The following ABCA12 variants were observed in gnomAD, a reference collection of about 807,000 sequenced individuals.
ABCA12 encodes the protein ATP binding cassette subfamily A member 12.
Under a neutral mutation model 293.5 loss-of-function variants are expected in ABCA12, and 156 were observed. The observed-to-expected ratio is 0.53, with a 90% CI of 0.47 to 0.61. The LOEUF (loss-of-function observed/expected upper bound fraction) is 0.61. ABCA12 is among the 20% of genes least tolerant of loss of function. The probability of loss-of-function intolerance (pLI) is 0.00; values close to 1 mark genes in which losing one functional copy is unlikely to be tolerated. For missense variants in ABCA12, 2,797 were observed against 3,090.2 expected (o/e 0.91, Z 2.25); for synonymous variants, 1,063 against 1,108.0 (o/e 0.96, Z 0.81).
At chr2:215,011,376 G>T in intron 17 of ABCA12, 63 bp downstream of exon 17, 2 of 1,239,708 alleles carry the variant, frequency 1.6e-6, no homozygotes, top group Non-Finnish European at 1.2e-6. Flanking sequence ...AACTAAGACA[G>T]AATAGACAGT....
At chr2:214,949,770 GA>G (rs1698695804) in intron 45 of ABCA12, among the ~76,000 whole-genome samples, 1 of 152,198 alleles carries the variant, frequency 6.6e-6, no homozygotes, top group South Asian at 2.1e-4. Flanking sequence ...GACTGGAAAT[GA>G]AAGGGTGAAG....
intron 35 of ABCA12, 93 bp downstream of exon 35, chr2:214,974,685 C>G: frequency 8.2e-7 from 1 of 1,220,424 alleles, no homozygotes; most frequent in East Asian, 2.3e-5. Context: ...AGCTTTCTTC[C>G]AGGCAAATAA....
At chr2:215,088,026 G>A (rs1702075428) in intron 2 of ABCA12, among the ~76,000 whole-genome samples, 2 of 152,178 alleles carry the variant, frequency 1.3e-5, no homozygotes, top group Admixed American at 1.3e-4. Context: ...ATGTGACAAT[G>A]AGTGATGGAG....
intron 52 of ABCA12, 148 bp downstream of exon 52, chr2:214,933,930 G>T: frequency 1.3e-6 from 1 of 782,904 alleles, no homozygotes. Flanking sequence ...GTGAGAAATT[G>T]ATTAGGCTCT....
intron 41 of ABCA12, among the ~76,000 whole-genome samples, chr2:214,957,669 T>C (rs1478089875): frequency 1.3e-5 from 2 of 152,156 alleles, no homozygotes; most frequent in African/African-American, 4.8e-5. Context: ...TGCATACCCA[T>C]CCTGGGCTTT....
At chr2:215,128,333 C>T (rs1288155145) in intron 1 of ABCA12, among the ~76,000 whole-genome samples, 10 of 152,168 alleles carry the variant, frequency 6.6e-5, no homozygotes, top group Non-Finnish European at 1.2e-4. Context: ...CTTGTATTTG[C>T]ACGTCTAGGT....
At chr2:214,996,832 G>A (rs1259504150) in intron 23 of ABCA12, among the ~76,000 whole-genome samples, 2 of 152,172 alleles carry the variant, frequency 1.3e-5, no homozygotes, top group Admixed American at 1.3e-4. Context: ...AAAAGGACAA[G>A]TGGATGGACG....
At chr2:215,132,672 G>T (rs952752664) in intron 1 of ABCA12, among the ~76,000 whole-genome samples, 4 of 151,894 alleles carry the variant, frequency 2.6e-5, no homozygotes, top group African/African-American at 9.7e-5. Flanking sequence ...AGATGGCCAT[G>T]TCTTTTTTAA....
rs560849400 is a variant in ABCA12, at chr2:215,073,248, T to C, written c.164-9029A>G. Reference sequence around the variant, plus strand: ...TCTTTTAGTAACAAAGATTCACGATTGCATTTTTAAAAAATCTCCCTGCTA... The same window carrying C: ...TCTTTTAGTAACAAAGATTCACGATCGCATTTTTAAAAAATCTCCCTGCTA... On this transcript the variant is annotated intron_variant, in intron 2 of 52. Transcript: ENST00000272895. Among the ~76,000 whole-genome samples the C allele has an allele frequency of 2.6e-5, 4 of 152,318 alleles. No homozygotes were observed. In the East Asian group the frequency reaches 7.7e-4, roughly 29 times the overall value.
intron 14 of ABCA12, among the ~76,000 whole-genome samples, chr2:215,016,481 G>A (rs1002253951): frequency 6.7e-6 from 1 of 148,766 alleles, no homozygotes; most frequent in African/African-American, 2.5e-5. Flanking sequence ...TACTCGGGAG[G>A]CTGAGGCAGG....
intron 4 of ABCA12, 140 bp downstream of exon 4, chr2:215,054,433 A>G (rs921517528): frequency 2.3e-5 from 17 of 733,896 alleles, no homozygotes; most frequent in South Asian, 1.7e-4. Flanking sequence ...TCAGGCAACC[A>G]TGAGGAACGT....
chr2:215,005,435 A>G (rs1490716517), intron 19 of ABCA12, among the ~76,000 whole-genome samples: 4 of 152,354 alleles, frequency 2.6e-5, no homozygotes, highest in South Asian at 2.1e-4. Flanking sequence ...TAAGAAAAAC[A>G]TATTAGTCGA....
intron 40 of ABCA12, among the ~76,000 whole-genome samples, 179 bp from the exon 41 acceptor site, chr2:214,958,633 A>G (rs1258196738): frequency 6.6e-6 from 1 of 152,178 alleles, no homozygotes; most frequent in East Asian, 1.9e-4. Flanking sequence ...TGACCCTAGA[A>G]TAAATGTAGT....
chr2:215,086,627 A>G (rs1702043699), intron 2 of ABCA12, among the ~76,000 whole-genome samples: 1 of 152,206 alleles, frequency 6.6e-6, no homozygotes, highest in African/African-American at 2.4e-5. Flanking sequence ...CTTGTGTCCC[A>G]TCACTCACCG....
chr2:215,025,414 G>A, intron 11 of ABCA12: 1 of 415,808 alleles, frequency 2.4e-6, no homozygotes, highest in Non-Finnish European at 4.3e-6. Context: ...TCCCACCTCG[G>A]CCTCCTGAGT....
Position 214,958,421 on chromosome 2 carries a change from C to G in ABCA12, c.5973G>C (p.Leu1991=). The change falls in exon 41 of 53, where the codon CTG becomes CTC. Residue 1991 remains leucine (L), a synonymous_variant. Coordinates refer to ENST00000272895, the MANE Select transcript of ABCA12 (RefSeq NM_173076.3). ...TGACAGAGTAGCCCATCAAGATAGA[C>G]AGTGCCACTAAAATATCGATTAAAC... ...ISSLIDILVA[L]SILMGYSVTT... 6.2e-7 allele frequency: 1 copy of G among 1,613,902 alleles called. No homozygotes were observed.
In ABCA12 at chr2:214,958,917, T is replaced by C. The variant is rs925564762; in HGVS notation, c.5939+107A>G. ...GTCAGTGACATATTACCAGCCCTTCTAGATTGACATTCATTCAGATACAAC... is the reference window on the plus strand; with the variant it reads ...GTCAGTGACATATTACCAGCCCTTCCAGATTGACATTCATTCAGATACAAC... On this transcript the variant is annotated intron_variant, in intron 40 of 52. Coordinates refer to ENST00000272895, the MANE Select transcript of ABCA12 (RefSeq NM_173076.3). The C allele has an allele frequency of 4.2e-6, 5 of 1,198,914 alleles. No homozygotes were observed. The Admixed American group carries it at 5.1e-5, about 12-fold the overall frequency. The allele number at this position is 1,198,914 out of a possible 1,614,324, so 74.3% of individuals were successfully genotyped here. A position where few individuals can be genotyped will look rare whatever the true frequency, so the allele number is the denominator to read the frequency against.
At chr2:214,956,546 C>T in intron 42 of ABCA12, 117 bp downstream of exon 42, 1 of 727,766 alleles carries the variant, frequency 1.4e-6, no homozygotes, top group Non-Finnish European at 2.4e-6. Flanking sequence ...AGTCATCACT[C>T]ATGTCAAATG....
At chr2:215,133,859 G>GA (rs1703116794) in intron 1 of ABCA12, among the ~76,000 whole-genome samples, 1 of 152,066 alleles carries the variant, frequency 6.6e-6, no homozygotes, top group Non-Finnish European at 1.5e-5. Flanking sequence ...GAATGTTAGA[G>GA]AAAAAACTCA....
Sources: allele counts gnomAD v4.1 joint callset (sites outside exome capture counted in the v4.1 genomes callset), GRCh38; gene constraint gnomAD v4.1.1; transcripts MANE v1.5; gene names NCBI Gene and HGNC (gene_info 2026-07-23, HGNC 2026-07-21).